Variants in ELOVL4 observed in about 807,000 individuals in gnomAD.
ELOVL4 encodes the protein ELOVL fatty acid elongase 4, also known as very long chain fatty acid elongase 4.
ELOVL4 carries 18 observed loss-of-function variants against 42.1 expected under a neutral mutation model. That is an observed-to-expected ratio of 0.43 (90% CI 0.30 to 0.63). The LOEUF is 0.63. Among genes scored for constraint, ELOVL4 ranks in the 30% least tolerant of loss-of-function variants. The pLI, the probability that ELOVL4 is intolerant of heterozygous loss-of-function variation, is 0.15. For missense variants in ELOVL4, 299 were observed against 376.2 expected (o/e 0.79, Z 1.70); for synonymous variants, 117 against 127.0 (o/e 0.92, Z 0.53).
rs1429818205 is a variant in ELOVL4 at position 79,915,073 on chromosome 6, A to G, written c.*1535T>C. 1 of 152,608 alleles carries G rather than the reference A, an allele frequency of 6.6e-6. No homozygotes were observed. The highest frequency in any genetic ancestry group is 1.5e-5 in the Non-Finnish European group (1 of 68,000). 9.5% of individuals were successfully genotyped at this position (152,608 alleles called of 1,614,324 possible). On this transcript the variant is annotated 3_prime_UTR_variant, in exon 6 of 6. Coordinates refer to ENST00000369816, the MANE Select transcript of ELOVL4 (RefSeq NM_022726.4). ...CAATAAATATGTTATAGCTTACAAA[A>G]TATTCTGAAATAGTTTGTACAAACA...
chr6:79,928,224 C>A (rs343631), intron 1 of ELOVL4, among the ~76,000 whole-genome samples: 100,074 of 151,920 alleles, frequency 0.66, 33,976 homozygotes, highest in African/African-American at 0.83. Context: ...TCTTTTCCAC[C>A]AACTTTAAGG....
chr6:79,939,669 A>T (rs1027388111), intron 1 of ELOVL4, among the ~76,000 whole-genome samples: 3 of 151,966 alleles, frequency 2.0e-5, no homozygotes, highest in Non-Finnish European at 4.4e-5. Context: ...GACTAGAGGC[A>T]TATGGCACCA....
At position 79,926,425 on chromosome 6, in the gene ELOVL4, T is replaced by C. The variant is rs777655464; in HGVS notation, c.101-44A>G. 2.6e-6 allele frequency: 4 copies of C among 1,566,596 alleles called. No homozygotes were observed. The East Asian group carries it at 9.2e-5, about 36-fold the overall frequency. On this transcript the variant is annotated intron_variant, in intron 1 of 5. Coordinates refer to ENST00000369816, the MANE Select transcript of ELOVL4 (RefSeq NM_022726.4). ...ACCATAAAATTCATTAATCAGTAAA[T>C]GTTTTATAAAATACACTTTTTAGGA...
chr6:79,939,802 G>A (rs1208883012), intron 1 of ELOVL4, among the ~76,000 whole-genome samples: 3 of 152,110 alleles, frequency 2.0e-5, no homozygotes, highest in Non-Finnish European at 2.9e-5. Flanking sequence ...ACTGGGCCCA[G>A]CCCGAATTTG....
At chr6:79,918,086 A>G (rs1774190812) in intron 5 of ELOVL4, among the ~76,000 whole-genome samples, 1 of 152,138 alleles carries the variant, frequency 6.6e-6, no homozygotes, top group Non-Finnish European at 1.5e-5. Context: ...TCCTGTTTGA[A>G]ATGGACAATT....
At chr6:79,947,075 C>T (rs1031882279) in intron 1 of ELOVL4, 105 bp downstream of exon 1, 1 of 936,932 alleles carries the variant, frequency 1.1e-6, no homozygotes, top group Admixed American at 2.0e-5. Flanking sequence ...ATCCGAAAGC[C>T]GCAGGGCGCG....
chr6:79,923,939 G>A (rs343624), intron 3 of ELOVL4, among the ~76,000 whole-genome samples: 9,404 of 151,918 alleles, frequency 0.062, 924 homozygotes, highest in African/African-American at 0.22. Context: ...CACTCCCCAT[G>A]CCAGGAAACT....
chr6:79,939,704 T>C (rs1774610549), intron 1 of ELOVL4, among the ~76,000 whole-genome samples: 1 of 151,890 alleles, frequency 6.6e-6, no homozygotes, highest in African/African-American at 2.4e-5. Context: ...TTAATATTTT[T>C]TTGTTGCTCA....
At chr6:79,942,733 T>C in intron 1 of ELOVL4, among the ~76,000 whole-genome samples, 1 of 152,214 alleles carries the variant, frequency 6.6e-6, no homozygotes, top group Middle Eastern at 3.2e-3. Flanking sequence ...CCTGCATTGT[T>C]TACCCTCCTG....
At chr6:79,930,567 T>C (rs1774426254) in intron 1 of ELOVL4, among the ~76,000 whole-genome samples, 1 of 152,204 alleles carries the variant, frequency 6.6e-6, no homozygotes, top group Non-Finnish European at 1.5e-5. Flanking sequence ...CTTTCATATG[T>C]TTCCTTTTCC....
chr6:79,925,597 C>A (rs555036483), intron 2 of ELOVL4, among the ~76,000 whole-genome samples: 5 of 152,246 alleles, frequency 3.3e-5, no homozygotes, highest in Non-Finnish European at 7.4e-5. Flanking sequence ...ATGGCTGTGT[C>A]AATCTAGCCT....
chr6:79,929,151 C>T (rs1385464665), intron 1 of ELOVL4, among the ~76,000 whole-genome samples: 4 of 119,644 alleles, frequency 3.3e-5, no homozygotes, highest in South Asian at 3.1e-4. Flanking sequence ...AATGAGAAAA[C>T]GAATCACCAG....
chr6:79,920,085 T>C (rs2127698168), intron 4 of ELOVL4, among the ~76,000 whole-genome samples: 1 of 152,348 alleles, frequency 6.6e-6, no homozygotes, highest in Non-Finnish European at 1.5e-5. Flanking sequence ...ATAGATGTAA[T>C]AATAATTAAT....
chr6:79,930,957 G>T (rs1462415285), intron 1 of ELOVL4, among the ~76,000 whole-genome samples: 1 of 152,010 alleles, frequency 6.6e-6, no homozygotes, highest in Non-Finnish European at 1.5e-5. Flanking sequence ...TAAGAAAAAA[G>T]ACTGAAAAAC....
intron 1 of ELOVL4, among the ~76,000 whole-genome samples, chr6:79,943,004 T>C (rs1202300055): frequency 6.6e-6 from 1 of 151,786 alleles, no homozygotes; most frequent in Non-Finnish European, 1.5e-5. Flanking sequence ...TGGTGATGTT[T>C]CTTTCTTTCT....
chr6:79,936,277 C>G (rs1039050891), intron 1 of ELOVL4, among the ~76,000 whole-genome samples: 6 of 152,162 alleles, frequency 3.9e-5, no homozygotes, highest in Non-Finnish European at 5.9e-5. Context: ...ACTATCCATC[C>G]TTTAATTTGT....
rs566687449 is a variant in ELOVL4, at chr6:79,917,586, G to A, written c.670-703C>T. 3.3e-5 allele frequency among the ~76,000 whole-genome samples: 5 copies of A among 152,276 alleles called. No homozygotes were observed. In the East Asian group the frequency reaches 7.7e-4, roughly 24 times the overall value. ...TGCAATCCCAGCACTCTGGGAGGCC[G>A]AGGCGGGTGGATCAACTGAGGTCAG... On this transcript the variant is annotated intron_variant, in intron 5 of 5. Coordinates refer to ENST00000369816, the MANE Select transcript of ELOVL4 (RefSeq NM_022726.4).
Position 79,924,965 on chromosome 6 carries a change from A to G in ELOVL4, c.356T>C (p.Val119Ala). The G allele has an allele frequency of 6.2e-7, 1 of 1,603,000 alleles. No homozygotes were observed. Among genetic ancestry groups the G allele is most frequent in the Non-Finnish European group, 8.5e-7 (1 of 1,169,946 alleles). Residue 119 changes from valine to alanine, a missense_variant, in exon 3 of 6, where the codon GTT (valine) becomes GCT (alanine). By Grantham distance (64) the Val-to-Ala change is moderately conservative. Coordinates refer to ENST00000369816, the MANE Select transcript of ELOVL4 (RefSeq NM_022726.4). ...ICQSVDYSNN[V>A]HEVRIAAALW... ...TAATGTACTTACCCTGACTTCATGA[A>G]CATTATTAGAATAATCCACACTCTG...
intron 1 of ELOVL4, among the ~76,000 whole-genome samples, chr6:79,936,354 C>G (rs1774543213): frequency 6.6e-6 from 1 of 152,054 alleles, no homozygotes; most frequent in Non-Finnish European, 1.5e-5. Context: ...CACTAATATA[C>G]TAAGTGATAT....
Sources: gnomAD v4.1 joint callset for allele counts (sites outside exome capture counted in the v4.1 genomes callset) on GRCh38, gnomAD v4.1.1 for gene constraint, MANE v1.5 for transcripts, NCBI Gene and HGNC (gene_info 2026-07-23, HGNC 2026-07-21) for gene names.